The following CSF1R variants were observed in gnomAD, a reference collection of about 807,000 sequenced individuals.
The protein encoded by CSF1R is macrophage colony-stimulating factor 1 receptor.
CSF1R carries 40 observed loss-of-function variants against 110.0 expected under a neutral mutation model. The observed-to-expected ratio is 0.36, with a 90% CI of 0.28 to 0.47. The LOEUF is 0.47. Ranked by LOEUF, CSF1R falls within the 20% of genes least tolerant of loss-of-function variation. The pLI is 0.99. For synonymous variants in CSF1R, 523 were observed against 503.4 expected, an observed-to-expected ratio of 1.04 and a Z score of -0.52; for missense variants, 1,052 against 1,253.0, an observed-to-expected ratio of 0.84 and a Z score of 2.42.
At position 150,055,319 on chromosome 5, in the gene CSF1R, C is replaced by CA. The variant is rs1757156160; in HGVS notation, c.2571dup (p.Gly858TrpfsTer10). On this transcript the variant is annotated frameshift_variant, in exon 19 of 21. Transcript: ENST00000675795. LOFTEE classifies it high-confidence loss of function. ...TAGAACTTGCTGTTCACCAGGATGCCAGGGTAGGGATTCAGCCCTGCAAAG... is the reference window on the plus strand; with the variant it reads ...TAGAACTTGCTGTTCACCAGGATGCCAAGGGTAGGGATTCAGCCCTGCAAAG... The CA allele has an allele frequency of 6.2e-7, 1 of 1,614,100 alleles. No individual in the cohort carries two copies. Among genetic ancestry groups the CA allele is most frequent in the South Asian group, 1.1e-5 (1 of 91,094 alleles).
intron 3 of CSF1R, 28 bp from the exon 4 acceptor site, chr5:150,078,276 AC>A: frequency 6.2e-7 from 1 of 1,612,786 alleles, no homozygotes; most frequent in Non-Finnish European, 8.5e-7. Flanking sequence ...ACCCCTGAAC[AC>A]CCAGGCTCCC....
intron 1 of CSF1R, among the ~76,000 whole-genome samples, chr5:150,102,322 G>C (rs902690249): frequency 6.6e-6 from 1 of 152,072 alleles, no homozygotes; most frequent in Admixed American, 6.5e-5. Flanking sequence ...AAAATTATTC[G>C]CAGTCTGGTA....
rs1757964509 is a variant in CSF1R, at chr5:150,070,027, G to A, written c.1356C>T (p.Asp452=). 6.2e-7 allele frequency: 1 copy of A among 1,614,110 alleles called. No homozygotes were observed. Among genetic ancestry groups the A allele is most frequent in the South Asian group, 1.1e-5 (1 of 91,080 alleles). The part of the protein sequence containing the change: ...DEAQVLQVWD[D]PYPEVLSQEP... ...CCTGGCTCAGGACCTCAGGGTATGG[G>A]TCATCCCAGACCTGCAGCACTTGGG... is the stretch of plus-strand genomic sequence containing the variant. The change falls in exon 9 of 21, where the codon GAC becomes GAT. Residue 452 remains aspartate, a synonymous_variant. Coordinates refer to ENST00000675795, the MANE Select transcript of CSF1R (RefSeq NM_001288705.3).
At chr5:150,108,885 T>C (rs1245342151) in intron 1 of CSF1R, among the ~76,000 whole-genome samples, 3 of 152,024 alleles carry the variant, frequency 2.0e-5, no homozygotes, top group East Asian at 3.9e-4. Context: ...AAGAGCCAGC[T>C]GGGAGGGGGT....
In CSF1R at chr5:150,053,991, G is replaced by A. The variant is rs1479231341; in HGVS notation, c.*78C>T. On this transcript the variant is annotated 3_prime_UTR_variant, in exon 21 of 21. Transcript: ENST00000675795. ...AAATGACCGAAGGCAGAGTTTGTAT[G>A]TTCTCCCCGTGTCGCCCCATCCATG... is the stretch of plus-strand genomic sequence containing the variant. 2.1e-6 allele frequency: 3 copies of A among 1,417,098 alleles called. No homozygotes were observed. The Admixed American group carries it at 5.6e-5, about 27-fold the overall frequency. 87.8% of individuals were successfully genotyped at this position (1,417,098 alleles called of 1,614,324 possible).
At position 150,070,476 on chromosome 5, in the gene CSF1R, G is replaced by C; in HGVS notation, c.1178C>G (p.Thr393Arg). 1 of 1,560,562 alleles carries C rather than the reference G, an allele frequency of 6.4e-7. No individual in the cohort carries two copies. ...CTCACATCGAAGGGTGAGCTCAAAC[G>C]TCAGAGCTCTCCAGCCTCCTGGGTT... ...ARNPGGWRAL[T>R]FELTLRYPPE... Residue 393 changes from threonine (T) to arginine (R), a missense_variant, in exon 7 of 21, where the codon ACG becomes AGG. Thr to Arg is a moderately conservative substitution (Grantham distance 71, BLOSUM62 -1). Transcript: ENST00000675795.
intron 1 of CSF1R, among the ~76,000 whole-genome samples, chr5:150,108,579 A>G (rs550110230): frequency 3.3e-5 from 5 of 152,332 alleles, no homozygotes; most frequent in Admixed American, 3.3e-4. Context: ...AAGAATGAAA[A>G]AGAAAAATTT....
chr5:150,097,692 C>G (rs1266202799), intron 1 of CSF1R, among the ~76,000 whole-genome samples: 2 of 152,118 alleles, frequency 1.3e-5, no homozygotes, highest in Admixed American at 6.6e-5. Flanking sequence ...AGGTATAAAT[C>G]TTACTAAATA....
intron 1 of CSF1R, among the ~76,000 whole-genome samples, chr5:150,082,349 C>A (rs6870146): frequency 0.2 from 30,693 of 152,230 alleles, 3,629 homozygotes; most frequent in Non-Finnish European, 0.27. Flanking sequence ...GGAAAGGTTT[C>A]CTCTCTCAAG....
intron 5 of CSF1R, among the ~76,000 whole-genome samples, chr5:150,074,866 C>T (rs1327542881): frequency 1.3e-5 from 2 of 151,198 alleles, no homozygotes; most frequent in Non-Finnish European, 1.5e-5. Context: ...CAACGCTCCA[C>T]CCATCTGGGT....
chr5:150,084,024 C>A (rs1474028834), intron 1 of CSF1R, among the ~76,000 whole-genome samples: 4 of 152,124 alleles, frequency 2.6e-5, no homozygotes, highest in African/African-American at 2.4e-5. Flanking sequence ...ATGTCCTTAA[C>A]CTTGGCAAAA....
intron 9 of CSF1R, among the ~76,000 whole-genome samples, chr5:150,069,640 G>A (rs541966524): frequency 6.6e-6 from 1 of 152,222 alleles, no homozygotes; most frequent in East Asian, 1.9e-4. Flanking sequence ...GTTTCTTCAG[G>A]CTGCTTTCTC....
intron 14 of CSF1R, 146 bp downstream of exon 14, chr5:150,059,553 TG>T: frequency 3.5e-6 from 3 of 862,944 alleles, no homozygotes; most frequent in Non-Finnish European, 5.5e-6. Context: ...ATAAAACCTG[TG>T]GTGGCTACTT....
intron 6 of CSF1R, 42 bp from the exon 7 acceptor site, chr5:150,070,613 G>A (rs1402305710): frequency 7.3e-7 from 1 of 1,361,792 alleles, no homozygotes; most frequent in African/African-American, 1.5e-5. Flanking sequence ...CCCCAGCCTA[G>A]TATGGCCCCT....
Position 150,086,513 on chromosome 5 carries a change from G to T in CSF1R, c.-86C>A. The T allele has an allele frequency of 7.6e-7, 1 of 1,313,768 alleles. No homozygotes were observed. Among genetic ancestry groups the T allele is most frequent in the South Asian group, 1.3e-5 (1 of 79,212 alleles). 81.4% of individuals were successfully genotyped at this position (1,313,768 alleles called of 1,614,324 possible). A position where few individuals can be genotyped will look rare whatever the true frequency, so the allele number is the denominator to read the frequency against. On this transcript the variant is annotated 5_prime_UTR_variant, in exon 1 of 21. Transcript: ENST00000675795. ...CTCAGCTACTAGCTCCGCAGGGATCGGGACACTGGACACACGTTCCTCTCC... is the reference window on the plus strand; with the variant it reads ...CTCAGCTACTAGCTCCGCAGGGATCTGGACACTGGACACACGTTCCTCTCC...
chr5:150,057,709 A>G, intron 14 of CSF1R, 117 bp from the exon 15 acceptor site: 4 of 683,372 alleles, frequency 5.9e-6, no homozygotes, highest in Non-Finnish European at 1.0e-5. Flanking sequence ...CTGATAAGAA[A>G]CCCTCCTGCC....
chr5:150,083,098 C>T (rs549977365), intron 1 of CSF1R, among the ~76,000 whole-genome samples: 7 of 152,176 alleles, frequency 4.6e-5, no homozygotes, highest in Admixed American at 6.5e-5. Flanking sequence ...CCGCAACTTC[C>T]GCAGCCAACT....
At chr5:150,068,367 G>A in intron 9 of CSF1R, 37 bp from the exon 10 acceptor site, 1 of 1,519,222 alleles carries the variant, frequency 6.6e-7, no homozygotes, top group Non-Finnish European at 9.1e-7. Flanking sequence ...GCAGGCAGGG[G>A]TGCCTCCGAG....
intron 19 of CSF1R, chr5:150,054,714 C>A: frequency 2.7e-6 from 1 of 374,832 alleles, no homozygotes; most frequent in East Asian, 4.7e-5. Flanking sequence ...GGGACAGGTG[C>A]AGTGGCTCAT....
Sources: gnomAD v4.1 joint callset for allele counts (sites outside exome capture counted in the v4.1 genomes callset) on GRCh38, gnomAD v4.1.1 for gene constraint, MANE v1.5 for transcripts, NCBI Gene and HGNC (gene_info 2026-07-23, HGNC 2026-07-21) for gene names.